The following FRY variants were observed in gnomAD, a reference collection of about 807,000 sequenced individuals.
FRY encodes protein furry homolog.
Under a neutral mutation model 348.4 loss-of-function variants are expected in FRY, and 128 were observed. The observed-to-expected ratio is 0.37, with a 90% CI of 0.32 to 0.43. The LOEUF is 0.43. FRY is among the 20% of genes least tolerant of loss of function. FRY has a pLI of 1.00. For missense variants in FRY, 2,736 were observed against 3,695.2 expected (o/e 0.74, Z 6.73); for synonymous variants, 1,370 against 1,374.7 (o/e 1.00, Z 0.08).
rs781199486 is a variant in FRY, at chr13:32,185,001, A to G, written c.3172A>G (p.Thr1058Ala). Residue 1058 changes from threonine to alanine, a missense_variant, in exon 26 of 61, where the codon ACT (threonine) becomes GCT (alanine). Transcript: ENST00000542859. ...DSTNGALERD[T>A]LALGALFLEY... is the part of the protein sequence containing the mutation. ...CACAAATGGAGCCCTAGAGCGGGATACTTTAGCCCTGGGAGCTTTGTTCTT... is the reference window on the plus strand; with the variant it reads ...CACAAATGGAGCCCTAGAGCGGGATGCTTTAGCCCTGGGAGCTTTGTTCTT... The G allele has an allele frequency of 1.2e-6, 2 of 1,614,068 alleles. No homozygotes were observed. The highest frequency in any genetic ancestry group is 2.2e-5 in the South Asian group (2 of 91,084).
chr13:32,117,095 GA>G (rs1878348700), intron 3 of FRY, among the ~76,000 whole-genome samples: 1 of 152,168 alleles, frequency 6.6e-6, no homozygotes, highest in Admixed American at 6.5e-5. Context: ...TTTCTAGAAT[GA>G]AAGGGAGTCA....
chr13:32,117,304 T>C (rs764564489), intron 3 of FRY, 30 bp from the exon 4 acceptor site: 27 of 1,610,684 alleles, frequency 1.7e-5, no homozygotes, highest in Non-Finnish European at 2.2e-5. Flanking sequence ...GTGCTACCAG[T>C]GTTCTAATCA....
chr13:32,254,186 G>A, intron 50 of FRY, 38 bp from the exon 51 acceptor site: 2 of 1,608,856 alleles, frequency 1.2e-6, no homozygotes, highest in South Asian at 1.1e-5. Context: ...ACAACCAAAG[G>A]GAGAACGGTT....
intron 2 of FRY, among the ~76,000 whole-genome samples, chr13:32,091,337 C>A (rs1013674128): frequency 6.6e-6 from 1 of 152,134 alleles, no homozygotes; most frequent in Admixed American, 6.5e-5. Flanking sequence ...CAAGATTAAT[C>A]ACACCAGTGG....
chr13:32,201,816 G>T (rs999600325), intron 29 of FRY, 125 bp from the exon 30 acceptor site: 1 of 695,902 alleles, frequency 1.4e-6, no homozygotes, highest in African/African-American at 1.8e-5. Flanking sequence ...ATGGCCAGAC[G>T]GGGGTAAGAA....
At chr13:32,250,113 C>T (rs1370451073) in intron 49 of FRY, among the ~76,000 whole-genome samples, 2 of 152,178 alleles carry the variant, frequency 1.3e-5, no homozygotes, top group Admixed American at 1.3e-4. Context: ...GCCCACGGAA[C>T]AGGCACCTCA....
Position 32,254,103 on chromosome 13 carries a change from C to T in FRY, c.7246-121C>T, listed in dbSNP as rs140892601. On this transcript the variant is annotated intron_variant, in intron 50 of 60. Transcript: ENST00000542859. ...ATAATAAAAGAACATTCTAAAAATA[C>T]CCACTGAAGGAATTAGGTGTGTACT... The T allele has an allele frequency of 6.4e-4, 568 of 890,354 alleles. 2 individuals carry two copies. The African/African-American group carries it at 8.4e-3, about 13-fold the overall frequency. The allele number at this position is 890,354 out of a possible 1,614,324, so 55.2% of individuals were successfully genotyped here.
chr13:32,166,575 T>A (rs973139581), intron 17 of FRY, among the ~76,000 whole-genome samples: 2 of 152,162 alleles, frequency 1.3e-5, no homozygotes, highest in Admixed American at 6.5e-5. Context: ...TCCCATGTGT[T>A]TCACAAGATC....
chr13:32,216,062 A>T (rs551085595), intron 35 of FRY, among the ~76,000 whole-genome samples: 1 of 152,338 alleles, frequency 6.6e-6, no homozygotes, highest in South Asian at 2.1e-4. Context: ...ACTATCAGTT[A>T]TCTAAGTATT....
intron 43 of FRY, 92 bp downstream of exon 43, chr13:32,236,264 AT>A: frequency 1.0e-6 from 1 of 987,702 alleles, no homozygotes; most frequent in Non-Finnish European, 1.6e-6. Context: ...CAAAGAAAAA[AT>A]CTAGTTTTTG....
At chr13:32,171,527 G>A (rs1427380895) in intron 18 of FRY, among the ~76,000 whole-genome samples, 2 of 151,792 alleles carry the variant, frequency 1.3e-5, no homozygotes, top group Non-Finnish European at 2.9e-5. Context: ...GGCCAGGCTG[G>A]TCTCGAACTC....
intron 11 of FRY, among the ~76,000 whole-genome samples, chr13:32,137,515 T>G (rs990275219): frequency 2.0e-5 from 3 of 152,258 alleles, no homozygotes; most frequent in Non-Finnish European, 4.4e-5. Context: ...AGGTATCCTG[T>G]TCAAGCCACA....
chr13:32,204,946 G>T (rs1314449504), intron 31 of FRY, among the ~76,000 whole-genome samples: 1 of 152,174 alleles, frequency 6.6e-6, no homozygotes, highest in Non-Finnish European at 1.5e-5. Flanking sequence ...GCTTATGCCT[G>T]TATCCCAGCA....
chr13:32,158,913 CA>C (rs1881269902), intron 16 of FRY, among the ~76,000 whole-genome samples: 1 of 44,790 alleles, frequency 2.2e-5, no homozygotes, highest in East Asian at 9.5e-4. Flanking sequence ...GAAACTGTTC[CA>C]AAAACAAACA....
In FRY at chr13:32,179,688, C is replaced by T; in HGVS notation, c.2885C>T (p.Pro962Leu). ...VSYDNKAIGT[P>L]SVGVLLKQLV... Reference sequence around the variant, plus strand: ...AACTTATTTCAGGCCATAGGCACCCCATCGGTGGGAGTTCTGTTAAAGCAG... The same window carrying T: ...AACTTATTTCAGGCCATAGGCACCCTATCGGTGGGAGTTCTGTTAAAGCAG... Residue 962 changes from proline (P) to leucine (L), a missense_variant, in exon 23 of 61, where the codon CCA (proline) becomes CTA (leucine). Transcript: ENST00000542859. The T allele has an allele frequency of 6.2e-7, 1 of 1,613,964 alleles. No individual in the cohort carries two copies. The highest frequency in any genetic ancestry group is 8.5e-7 in the Non-Finnish European group (1 of 1,179,862).
intron 29 of FRY, among the ~76,000 whole-genome samples, chr13:32,195,365 A>G (rs916739894): frequency 2.6e-4 from 39 of 152,326 alleles, no homozygotes; most frequent in Non-Finnish European, 4.1e-4. Flanking sequence ...ACATTACCAA[A>G]GGAACATTGT....
chr13:32,211,097 C>G (rs1309001638), intron 34 of FRY, 63 bp downstream of exon 34: 2 of 1,423,384 alleles, frequency 1.4e-6, no homozygotes, highest in Admixed American at 1.7e-5. Context: ...CATGTAGATT[C>G]CTGAAAGGAT....
At chr13:32,104,307 G>T (rs959445583) in intron 3 of FRY, among the ~76,000 whole-genome samples, 1 of 152,092 alleles carries the variant, frequency 6.6e-6, no homozygotes, top group Non-Finnish European at 1.5e-5. Flanking sequence ...TTTTAACTTT[G>T]CGTCTCCAAG....
intron 4 of FRY, among the ~76,000 whole-genome samples, chr13:32,124,075 T>C (rs558771409): frequency 6.6e-6 from 1 of 152,216 alleles, no homozygotes; most frequent in South Asian, 2.1e-4. Context: ...TGACCTCAGG[T>C]AATCTGCCCG....
Sources: allele counts gnomAD v4.1 joint callset (sites outside exome capture counted in the v4.1 genomes callset), GRCh38; gene constraint gnomAD v4.1.1; transcripts MANE v1.5; gene names NCBI Gene and HGNC (gene_info 2026-07-23, HGNC 2026-07-21).